The following LRTM1 variants were observed in gnomAD, a reference collection of about 807,000 sequenced individuals.
LRTM1 encodes leucine rich repeat transmembrane protein 1.
LRTM1 carries 38 observed loss-of-function variants against 32.4 expected under a neutral mutation model. The ratio of observed to expected loss-of-function variants is 1.17; its 90% CI spans 0.91 to 1.54. LRTM1 has a LOEUF of 1.54. Among genes scored for constraint, LRTM1 ranks in the 40% most tolerant of loss-of-function variants. LRTM1 has a pLI of 0.00. For missense variants in LRTM1, 466 were observed against 415.4 expected, an observed-to-expected ratio of 1.12 and a Z score of -1.06; for synonymous variants, 186 against 169.9, an observed-to-expected ratio of 1.09 and a Z score of -0.74.
At chr3:54,920,785 G>A (rs192190697) in intron 2 of LRTM1, among the ~76,000 whole-genome samples, 73 of 152,280 alleles carry the variant, frequency 4.8e-4, no homozygotes, top group African/African-American at 1.7e-3. Context: ...CCAGGGGGAT[G>A]GACAGGTTCA....
chr3:54,945,681 A>T (rs1484218177), intron 1 of LRTM1, among the ~76,000 whole-genome samples: 1 of 152,156 alleles, frequency 6.6e-6, no homozygotes, highest in Non-Finnish European at 1.5e-5. Flanking sequence ...CAGCCCCACC[A>T]AATGCAGGTT....
At chr3:54,931,828 C>T (rs749177532), upstream of LRTM1, among the ~76,000 whole-genome samples, 1 of 152,144 alleles carries the variant, frequency 6.6e-6, no homozygotes, top group Non-Finnish European at 1.5e-5. Flanking sequence ...ATAAAATTGA[C>T]AATGTCTTGA....
At chr3:54,935,826 A>G (rs541317389) in intron 1 of LRTM1, among the ~76,000 whole-genome samples, 3 of 152,338 alleles carry the variant, frequency 2.0e-5, no homozygotes, top group South Asian at 2.1e-4. Context: ...GGTTTGTTCT[A>G]TATGAGTTCT....
intron 2 of LRTM1, among the ~76,000 whole-genome samples, chr3:54,924,037 T>G (rs1700938020): frequency 6.6e-6 from 1 of 152,136 alleles, no homozygotes; most frequent in South Asian, 2.1e-4. Flanking sequence ...GTTTCCAGAG[T>G]CCCTCATCTT....
chr3:54,926,804 A>G (rs1701035365), intron 1 of LRTM1, among the ~76,000 whole-genome samples: 2 of 152,148 alleles, frequency 1.3e-5, no homozygotes, highest in Non-Finnish European at 2.9e-5. Flanking sequence ...ATGATGCTGT[A>G]AAACAGCATC....
intron 1 of LRTM1, among the ~76,000 whole-genome samples, chr3:54,941,938 A>G (rs1701478205): frequency 6.6e-6 from 1 of 152,226 alleles, no homozygotes; most frequent in Non-Finnish European, 1.5e-5. Flanking sequence ...ACCTCGTGAA[A>G]TGGCAATGAC....
At chr3:54,928,278 C>G (rs1175505902), upstream of LRTM1, among the ~76,000 whole-genome samples, 3 of 152,122 alleles carry the variant, frequency 2.0e-5, no homozygotes, top group Non-Finnish European at 2.9e-5. Flanking sequence ...CAAACATGAC[C>G]CCAGTGCCTC....
At chr3:54,919,140 C>T (rs1700760249) in intron 2 of LRTM1, among the ~76,000 whole-genome samples, 1 of 152,130 alleles carries the variant, frequency 6.6e-6, no homozygotes, top group African/African-American at 2.4e-5. Context: ...GCCCAGTAAC[C>T]TTCATGTTCT....
chr3:54,943,671 T>G (rs1701535401), intron 1 of LRTM1, among the ~76,000 whole-genome samples: 1 of 149,882 alleles, frequency 6.7e-6, no homozygotes, highest in African/African-American at 2.5e-5. Flanking sequence ...TCATCAGATG[T>G]CTCAAATATG....
intron 1 of LRTM1, among the ~76,000 whole-genome samples, chr3:54,945,693 G>T (rs1411380102): frequency 6.6e-6 from 1 of 152,172 alleles, no homozygotes; most frequent in East Asian, 1.9e-4. Flanking sequence ...ATGCAGGTTT[G>T]ACAGTGGTTC....
rs533596688 is a variant in LRTM1, at chr3:54,918,332, CTTT to C, written c.*124_*126del. ...TTTTACAGACACATCTTTTTTTTTT[CTTT>C]TTTTTTTTTTTTTTTTTTTTGTCTT... On this transcript the variant is annotated 3_prime_UTR_variant, in exon 3 of 3. Transcript: ENST00000273286. The C allele has an allele frequency of 0.012, 2,744 of 227,648 alleles. 5 individuals carry two copies. Among genetic ancestry groups the C allele is most frequent in the African/African-American group, 0.04 (1,112 of 27,522 alleles). The allele number at this position is 227,648 out of a possible 1,614,324, so 14.1% of individuals were successfully genotyped here.
chr3:54,918,578 C>A lies in LRTM1; in HGVS notation c.919G>T (p.Ala307Ser), dbSNP rs1700734079. ...GCCGCATAGGTGCAGCCATAGATGG[C>A]AGCTGCCAACATCATGAGACACACA... ...GIVCLMMLAA[A>S]IYGCTYAAIT... Residue 307 changes from alanine (A) to serine (S), a missense_variant, in exon 3 of 3, where the codon GCC (alanine) becomes TCC (serine). Ala to Ser is a moderately conservative substitution (Grantham distance 99). Coordinates refer to ENST00000273286, the MANE Select transcript of LRTM1 (RefSeq NM_020678.4). The A allele has an allele frequency of 1.2e-5, 19 of 1,614,122 alleles. No individual in the cohort carries two copies. In the East Asian group the frequency reaches 4.2e-4, roughly 36 times the overall value.
intron 1 of LRTM1, among the ~76,000 whole-genome samples, chr3:54,934,472 T>C (rs913041617): frequency 5.9e-5 from 9 of 152,226 alleles, no homozygotes; most frequent in Non-Finnish European, 1.3e-4. Context: ...TTATTCCGTT[T>C]ACTGCATATG....
chr3:54,918,362 TGGCAAAA>T lies in LRTM1; in HGVS notation c.*90_*96del. On this transcript the variant is annotated 3_prime_UTR_variant, in exon 3 of 3. Coordinates refer to ENST00000273286, the MANE Select transcript of LRTM1 (RefSeq NM_020678.4). The stretch of plus-strand genomic sequence containing the variant: ...TTTTTTTTTTTTTTTTTTTGTCTTT[TGGCAAAA>T]GCAAAATCAGACTAACAGGAAACAC... 3 of 583,210 alleles carry T rather than the reference TGGCAAAA, an allele frequency of 5.1e-6. No homozygotes were observed. The highest frequency in any genetic ancestry group is 7.6e-6 in the Non-Finnish European group (3 of 397,232). 36.1% of individuals were successfully genotyped at this position (583,210 alleles called of 1,614,324 possible).
chr3:54,952,462 T>C (rs1701781503), intron 1 of LRTM1, among the ~76,000 whole-genome samples: 1 of 152,088 alleles, frequency 6.6e-6, no homozygotes, highest in Non-Finnish European at 1.5e-5. Flanking sequence ...AGTTCACAGA[T>C]GTGGGAAAGA....
At chr3:54,941,385 C>T (rs1487689057) in intron 1 of LRTM1, among the ~76,000 whole-genome samples, 1 of 152,158 alleles carries the variant, frequency 6.6e-6, no homozygotes, top group Non-Finnish European at 1.5e-5. Context: ...AGTATTCTTA[C>T]ACATGCAGAA....
At chr3:54,932,809 T>C (rs984394488), upstream of LRTM1, among the ~76,000 whole-genome samples, 5 of 152,220 alleles carry the variant, frequency 3.3e-5, no homozygotes, top group African/African-American at 1.2e-4. Flanking sequence ...GGCGATCTAA[T>C]GCCAGGGAAG....
intron 1 of LRTM1, among the ~76,000 whole-genome samples, chr3:54,959,495 T>A (rs1251135667): frequency 6.9e-6 from 1 of 145,570 alleles, no homozygotes; most frequent in Non-Finnish European, 1.5e-5. Context: ...TCAGAGATGT[T>A]TGGCAACTAT....
intron 1 of LRTM1, among the ~76,000 whole-genome samples, chr3:54,942,899 C>CT (rs549377776): frequency 5.3e-5 from 8 of 152,154 alleles, no homozygotes; most frequent in Non-Finnish European, 1.2e-4. Context: ...TGGCACGTGC[C>CT]TGTAGTCCCA....
Sources: gnomAD v4.1 joint callset for allele counts (sites outside exome capture counted in the v4.1 genomes callset) on GRCh38, gnomAD v4.1.1 for gene constraint, MANE v1.5 for transcripts, NCBI Gene and HGNC (gene_info 2026-07-23, HGNC 2026-07-21) for gene names.